The following ROBO1 variants were observed in gnomAD, a reference collection of about 807,000 sequenced individuals.
ROBO1 encodes the protein roundabout guidance receptor 1.
Under a neutral mutation model 195.9 loss-of-function variants are expected in ROBO1, and 149 were observed. The observed-to-expected ratio is 0.76, with a 90% CI of 0.67 to 0.87. ROBO1 has a LOEUF of 0.87. Ranked by LOEUF, ROBO1 falls within the 40% of genes least tolerant of loss-of-function variation. The probability of loss-of-function intolerance (pLI) is 0.00; values close to 1 mark genes in which losing one functional copy is unlikely to be tolerated. For synonymous variants in ROBO1, 816 were observed against 733.2 expected (o/e 1.11, Z -1.82); for missense variants, 1,933 against 2,068.3 (o/e 0.93, Z 1.27).
At chr3:79,021,723 C>T (rs547610913) in intron 3 of ROBO1, among the ~76,000 whole-genome samples, 3 of 139,596 alleles carry the variant, frequency 2.1e-5, no homozygotes, top group African/African-American at 8.2e-5. Context: ...TGCAGTGGCG[C>T]GATCTCGGCT....
At chr3:78,736,390 G>T (rs2082393419) in intron 5 of ROBO1, among the ~76,000 whole-genome samples, 1 of 152,104 alleles carries the variant, frequency 6.6e-6, no homozygotes, top group Non-Finnish European at 1.5e-5. Flanking sequence ...GATTATAAGA[G>T]AAGTACTTGG....
At chr3:79,060,565 A>G (rs1438814669) in intron 3 of ROBO1, among the ~76,000 whole-genome samples, 1 of 151,864 alleles carries the variant, frequency 6.6e-6, no homozygotes, top group African/African-American at 2.4e-5. Flanking sequence ...AAAAGAACCT[A>G]AGTTGAAATA....
chr3:78,972,880 CT>C (rs2076799033), intron 3 of ROBO1, among the ~76,000 whole-genome samples: 1 of 152,156 alleles, frequency 6.6e-6, no homozygotes. Flanking sequence ...TGGGATTTTC[CT>C]ACCTGGAGCT....
intron 2 of ROBO1, among the ~76,000 whole-genome samples, chr3:79,459,604 C>A (rs999425584): frequency 1.2e-4 from 18 of 151,864 alleles, no homozygotes; most frequent in African/African-American, 4.1e-4. Context: ...AGTAATCTTT[C>A]AATTAGAAAA....
chr3:78,687,861 G>A (rs2081086044), intron 9 of ROBO1, among the ~76,000 whole-genome samples: 1 of 152,092 alleles, frequency 6.6e-6, no homozygotes, highest in Non-Finnish European at 1.5e-5. Flanking sequence ...AAACTCTTGA[G>A]GTCAAGTGAT....
intron 2 of ROBO1, among the ~76,000 whole-genome samples, chr3:79,357,871 A>G (rs1250203050): frequency 2.0e-5 from 3 of 152,160 alleles, no homozygotes; most frequent in Admixed American, 6.5e-5. Flanking sequence ...CTTAAACTTC[A>G]TAAGTGGAAT....
intron 4 of ROBO1, among the ~76,000 whole-genome samples, chr3:78,752,925 C>A (rs935777957): frequency 6.6e-6 from 1 of 151,854 alleles, no homozygotes; most frequent in Non-Finnish European, 1.5e-5. Flanking sequence ...GTTTTTAAAC[C>A]TTAAATTATG....
chr3:78,748,125 T>C (rs553173344), intron 4 of ROBO1, among the ~76,000 whole-genome samples: 1 of 152,320 alleles, frequency 6.6e-6, no homozygotes, highest in African/African-American at 2.4e-5. Context: ...CAGATTTGGA[T>C]TGATAAATGT....
chr3:79,369,862 G>A (rs891494144), intron 2 of ROBO1, among the ~76,000 whole-genome samples: 1 of 152,066 alleles, frequency 6.6e-6, no homozygotes, highest in Non-Finnish European at 1.5e-5. Flanking sequence ...TAAATTTGCA[G>A]TTCTAAAACT....
chr3:78,750,490 T>C (rs1177453137), intron 4 of ROBO1, among the ~76,000 whole-genome samples: 1 of 147,942 alleles, frequency 6.8e-6, no homozygotes, highest in Non-Finnish European at 1.5e-5. Flanking sequence ...AATAAATAAA[T>C]AAATAAATAA....
intron 2 of ROBO1, among the ~76,000 whole-genome samples, chr3:79,313,756 T>C (rs1330605895): frequency 6.6e-6 from 1 of 152,176 alleles, no homozygotes; most frequent in Non-Finnish European, 1.5e-5. Flanking sequence ...AGAAAACTCA[T>C]GTCACCTGTT....
intron 3 of ROBO1, among the ~76,000 whole-genome samples, chr3:78,974,480 T>C (rs532323704): frequency 6.0e-4 from 92 of 152,160 alleles, no homozygotes; most frequent in African/African-American, 2.2e-3. Context: ...AATAGAAGGA[T>C]AGATAGTTTT....
At chr3:78,976,854 CA>C (rs1185224712) in intron 3 of ROBO1, among the ~76,000 whole-genome samples, 1 of 152,032 alleles carries the variant, frequency 6.6e-6, no homozygotes, top group Non-Finnish European at 1.5e-5. Context: ...TAATTTTCTC[CA>C]AAACGTCTTT....
intron 3 of ROBO1, among the ~76,000 whole-genome samples, chr3:78,975,190 T>C (rs1476998229): frequency 6.6e-6 from 1 of 152,150 alleles, no homozygotes; most frequent in Non-Finnish European, 1.5e-5. Context: ...AATCTCACTC[T>C]TATATCTTCA....
intron 4 of ROBO1, among the ~76,000 whole-genome samples, chr3:78,874,702 CAAGTT>C: frequency 6.6e-6 from 1 of 151,848 alleles, no homozygotes; most frequent in East Asian, 1.9e-4. Context: ...TTTAAACTAA[CAAGTT>C]AGTCAGTTTT....
intron 27 of ROBO1, among the ~76,000 whole-genome samples, chr3:78,616,592 G>A (rs1575780973): frequency 6.6e-6 from 1 of 152,024 alleles, no homozygotes; most frequent in East Asian, 1.9e-4. Context: ...AAAAGACCAT[G>A]GAAGACTACC....
intron 1 of ROBO1, among the ~76,000 whole-genome samples, chr3:79,749,020 C>A (rs1302499124): frequency 3.3e-5 from 5 of 152,106 alleles, no homozygotes; most frequent in Non-Finnish European, 7.4e-5. Flanking sequence ...GTTTGGAGGG[C>A]TGAGAAGAAG....
chr3:79,555,422 T>A (rs1942663356), intron 2 of ROBO1, among the ~76,000 whole-genome samples: 1 of 152,100 alleles, frequency 6.6e-6, no homozygotes, highest in Admixed American at 6.6e-5. Flanking sequence ...TTCAGTGTGA[T>A]ACGTAGATCA....
At chr3:79,653,199 G>A (rs1337725695) in intron 1 of ROBO1, among the ~76,000 whole-genome samples, 5 of 151,142 alleles carry the variant, frequency 3.3e-5, no homozygotes, top group Admixed American at 1.3e-4. Context: ...ATTACACATC[G>A]ATGTTTAATT....
Sources: gnomAD v4.1 joint callset for allele counts (sites outside exome capture counted in the v4.1 genomes callset) on GRCh38, gnomAD v4.1.1 for gene constraint, MANE v1.5 for transcripts, NCBI Gene and HGNC (gene_info 2026-07-23, HGNC 2026-07-21) for gene names.